CDKAL1: variants seen among roughly 807,000 people sequenced by gnomAD.
The protein encoded by CDKAL1 is CDKAL1 threonylcarbamoyladenosine tRNA methylthiotransferase.
A neutral mutation model predicts 68.2 loss-of-function variants in CDKAL1; 32 were observed. The ratio of observed to expected loss-of-function variants is 0.47; its 90% CI spans 0.35 to 0.63. The LOEUF (loss-of-function observed/expected upper bound fraction) is 0.63. Ranked by LOEUF, CDKAL1 falls within the 30% of genes least tolerant of loss-of-function variation. The pLI is 0.00. For missense variants in CDKAL1, 606 were observed against 696.7 expected (o/e 0.87, Z 1.47); for synonymous variants, 234 against 244.3 (o/e 0.96, Z 0.39).
chr6:21,136,579 C>T (rs1775610287), intron 13 of CDKAL1, among the ~76,000 whole-genome samples: 1 of 152,102 alleles, frequency 6.6e-6, no homozygotes, highest in African/African-American at 2.4e-5. Context: ...AGCTTCATGC[C>T]TGAAAAAGGT....
chr6:20,844,269 A>G (rs976989296), intron 8 of CDKAL1, among the ~76,000 whole-genome samples: 1 of 152,178 alleles, frequency 6.6e-6, no homozygotes, highest in African/African-American at 2.4e-5. Context: ...TACTGGCCAT[A>G]TATTTGAATA....
chr6:20,803,906 A>G (rs1215613410), intron 8 of CDKAL1, among the ~76,000 whole-genome samples: 1 of 152,170 alleles, frequency 6.6e-6, no homozygotes, highest in Non-Finnish European at 1.5e-5. Flanking sequence ...GCTTAGGATA[A>G]TATAACACTT....
At chr6:20,682,645 A>G (rs1562022547) in intron 5 of CDKAL1, among the ~76,000 whole-genome samples, 1 of 152,160 alleles carries the variant, frequency 6.6e-6, no homozygotes, top group Non-Finnish European at 1.5e-5. Flanking sequence ...TCCTCCAACA[A>G]CGGGAATTAC....
intron 5 of CDKAL1, among the ~76,000 whole-genome samples, chr6:20,713,651 G>A (rs1771950480): frequency 6.6e-6 from 1 of 152,094 alleles, no homozygotes; most frequent in Non-Finnish European, 1.5e-5. Flanking sequence ...ACTGTACAAT[G>A]AAAATAAAGA....
chr6:20,786,583 C>T (rs1444742166), intron 8 of CDKAL1, among the ~76,000 whole-genome samples: 5 of 150,050 alleles, frequency 3.3e-5, no homozygotes, highest in South Asian at 2.1e-4. Context: ...CTGCAAGCTC[C>T]GCCTCCCGGG....
intron 11 of CDKAL1, among the ~76,000 whole-genome samples, chr6:21,033,988 AG>A (rs1769436372): frequency 6.6e-6 from 1 of 152,196 alleles, no homozygotes. Context: ...CAGCAGCAGC[AG>A]CAGCAGCAGC....
At chr6:20,580,107 G>T (rs931933780) in intron 4 of CDKAL1, among the ~76,000 whole-genome samples, 1 of 152,150 alleles carries the variant, frequency 6.6e-6, no homozygotes, top group Admixed American at 6.5e-5. Context: ...GTGAATGTAC[G>T]TATGTTTGAA....
intron 4 of CDKAL1, among the ~76,000 whole-genome samples, chr6:20,640,685 C>T (rs1187974122): frequency 2.6e-5 from 4 of 152,158 alleles, no homozygotes; most frequent in African/African-American, 9.7e-5. Flanking sequence ...ATATTGTCTA[C>T]ATTGTTTTTT....
chr6:20,582,419 C>G (rs1408977388), intron 4 of CDKAL1, among the ~76,000 whole-genome samples: 2 of 152,114 alleles, frequency 1.3e-5, no homozygotes, highest in Non-Finnish European at 2.9e-5. Flanking sequence ...TTTAAAATAG[C>G]ATTATATGAG....
intron 6 of CDKAL1, among the ~76,000 whole-genome samples, chr6:20,741,481 C>T (rs1290529872): frequency 6.6e-6 from 1 of 152,012 alleles, no homozygotes; most frequent in East Asian, 1.9e-4. Flanking sequence ...CACTACCCTC[C>T]AATAGGCCCC....
chr6:21,061,340 A>G lies in CDKAL1; in HGVS notation c.1056-3708A>G, dbSNP rs546797714. On this transcript the variant is annotated intron_variant, in intron 11 of 15. Coordinates refer to ENST00000274695, the MANE Select transcript of CDKAL1 (RefSeq NM_017774.3). ...TTTTCCTGTTGTTTAACCTAAATGA[A>G]TATTTTCATTTTCATCTTCCTTTCA... Among the ~76,000 whole-genome samples the G allele has an allele frequency of 4.6e-5, 7 of 152,260 alleles. No individual in the cohort carries two copies. In the South Asian group the frequency reaches 1.5e-3, roughly 32 times the overall value.
chr6:21,199,194 C>T (rs564258376), intron 14 of CDKAL1, among the ~76,000 whole-genome samples: 3 of 152,300 alleles, frequency 2.0e-5, no homozygotes, highest in Admixed American at 2.0e-4. Flanking sequence ...GCAGAGGAAG[C>T]AGGCTGCCTG....
chr6:20,863,335 C>T (rs529633428), intron 9 of CDKAL1, among the ~76,000 whole-genome samples: 30 of 152,274 alleles, frequency 2.0e-4, no homozygotes, highest in African/African-American at 7.2e-4. Flanking sequence ...ATTTTTTCTT[C>T]ATACATCATC....
At chr6:21,210,619 A>G (rs1779116373) in intron 15 of CDKAL1, among the ~76,000 whole-genome samples, 1 of 152,370 alleles carries the variant, frequency 6.6e-6, no homozygotes, top group Non-Finnish European at 1.5e-5. Flanking sequence ...GAACTAAGAC[A>G]GTATGTACAT....
At chr6:21,070,735 C>CTA (rs1265770810) in intron 12 of CDKAL1, among the ~76,000 whole-genome samples, 41 of 152,254 alleles carry the variant, frequency 2.7e-4, no homozygotes, top group African/African-American at 9.6e-4. Flanking sequence ...ATATTCTTTG[C>CTA]TATACTTTGT....
intron 15 of CDKAL1, among the ~76,000 whole-genome samples, chr6:21,227,277 C>T (rs761054354): frequency 2.6e-5 from 4 of 152,092 alleles, no homozygotes; most frequent in Non-Finnish European, 5.9e-5. Flanking sequence ...TATGGTTGTA[C>T]ATTTACATGT....
chr6:20,843,011 A>G (rs1778237016), intron 8 of CDKAL1, among the ~76,000 whole-genome samples: 1 of 152,104 alleles, frequency 6.6e-6, no homozygotes, highest in South Asian at 2.1e-4. Flanking sequence ...GTACAGTTTC[A>G]TGAGTGATTT....
chr6:20,639,336 A>G (rs1457267573), intron 4 of CDKAL1, among the ~76,000 whole-genome samples: 1 of 152,152 alleles, frequency 6.6e-6, no homozygotes. Flanking sequence ...TCCTTTAGTC[A>G]GAGACTCACT....
intron 13 of CDKAL1, among the ~76,000 whole-genome samples, chr6:21,161,015 G>C (rs960124624): frequency 2.0e-5 from 3 of 152,028 alleles, no homozygotes; most frequent in African/African-American, 7.2e-5. Context: ...AGGGATCAAT[G>C]GTAATACAGG....
Sources: gnomAD v4.1 joint callset for allele counts (sites outside exome capture counted in the v4.1 genomes callset) on GRCh38, gnomAD v4.1.1 for gene constraint, MANE v1.5 for transcripts, NCBI Gene and HGNC (gene_info 2026-07-23, HGNC 2026-07-21) for gene names.